The following SEMA5A variants were observed in gnomAD, a reference collection of about 807,000 sequenced individuals.
SEMA5A encodes the protein semaphorin-5A.
A neutral mutation model predicts 135.5 loss-of-function variants in SEMA5A; 55 were observed. The observed-to-expected ratio is 0.41, with a 90% CI of 0.33 to 0.51. The LOEUF is 0.51. Among genes scored for constraint, SEMA5A ranks in the 20% least tolerant of loss-of-function variants. The probability of loss-of-function intolerance (pLI) is 0.37; values close to 1 mark genes in which losing one functional copy is unlikely to be tolerated. For missense variants in SEMA5A, 1,290 were observed against 1,419.9 expected, an observed-to-expected ratio of 0.91 and a Z score of 1.47; for synonymous variants, 580 against 546.5, an observed-to-expected ratio of 1.06 and a Z score of -0.85.
rs1735738876 is a variant in SEMA5A, at chr5:9,037,901, T to C, written c.*4996A>G. The C allele has an allele frequency of 6.6e-6, 1 of 152,230 alleles. No homozygotes were observed. The highest frequency in any genetic ancestry group is 6.5e-5 in the Admixed American group (1 of 15,288). The allele number at this position is 152,230 out of a possible 1,614,324, so 9.4% of individuals were successfully genotyped here. A position where few individuals can be genotyped will look rare whatever the true frequency, so the allele number is the denominator to read the frequency against. ...ATCCCCTGTCCCCAAACATTTTATC[T>C]TACATTGTGCATGGCATTCCCTTTT... On this transcript the variant is annotated 3_prime_UTR_variant, in exon 23 of 23. Transcript: ENST00000382496.
chr5:9,373,183 G>A (rs1755216692), intron 3 of SEMA5A, among the ~76,000 whole-genome samples: 1 of 152,100 alleles, frequency 6.6e-6, no homozygotes, highest in South Asian at 2.1e-4. Context: ...ATTTAACAAA[G>A]CAATGCATGC....
chr5:9,352,694 G>T (rs1754182090), intron 3 of SEMA5A, among the ~76,000 whole-genome samples: 1 of 152,212 alleles, frequency 6.6e-6, no homozygotes, highest in African/African-American at 2.4e-5. Flanking sequence ...TAACATTTAT[G>T]AAATATAAGT....
intron 5 of SEMA5A, among the ~76,000 whole-genome samples, chr5:9,272,835 C>A (rs1322822773): frequency 3.3e-5 from 5 of 152,098 alleles, no homozygotes; most frequent in Non-Finnish European, 5.9e-5. Flanking sequence ...AAAGGATGCC[C>A]ACTCAGAGAC....
At chr5:9,313,237 A>G (rs547342549) in intron 5 of SEMA5A, among the ~76,000 whole-genome samples, 1 of 152,294 alleles carries the variant, frequency 6.6e-6, no homozygotes, top group African/African-American at 2.4e-5. Context: ...ATTGTAAAAC[A>G]GTATTGAGAA....
intron 5 of SEMA5A, among the ~76,000 whole-genome samples, chr5:9,299,135 T>C (rs1751483036): frequency 6.6e-6 from 1 of 152,124 alleles, no homozygotes; most frequent in South Asian, 2.1e-4. Flanking sequence ...GGGGGCATCT[T>C]TACCTAATGT....
chr5:9,493,603 T>C (rs529727455), intron 1 of SEMA5A, among the ~76,000 whole-genome samples: 2 of 152,314 alleles, frequency 1.3e-5, no homozygotes, highest in South Asian at 4.1e-4. Flanking sequence ...CCTGACAGCC[T>C]TTGATAATAG....
intron 21 of SEMA5A, among the ~76,000 whole-genome samples, chr5:9,049,836 A>G (rs531555861): frequency 1.1e-4 from 17 of 152,330 alleles, no homozygotes; most frequent in African/African-American, 4.1e-4. Context: ...CTTGAACCAG[A>G]TAATGTTGTC....
chr5:9,213,937 A>G (rs914145649), intron 8 of SEMA5A, among the ~76,000 whole-genome samples: 1 of 152,156 alleles, frequency 6.6e-6, no homozygotes, highest in Non-Finnish European at 1.5e-5. Context: ...GGCTCTCGTA[A>G]GGTTGGGGCA....
At chr5:9,279,550 G>A (rs998244831) in intron 5 of SEMA5A, among the ~76,000 whole-genome samples, 1 of 152,140 alleles carries the variant, frequency 6.6e-6, no homozygotes, top group Admixed American at 6.5e-5. Flanking sequence ...GGCTGGGGCA[G>A]AATGATATGG....
At chr5:9,315,048 A>G (rs541859587) in intron 5 of SEMA5A, among the ~76,000 whole-genome samples, 1 of 152,154 alleles carries the variant, frequency 6.6e-6, no homozygotes, top group Non-Finnish European at 1.5e-5. Flanking sequence ...AGAAAAGTAC[A>G]ATCAGTTTCC....
intron 11 of SEMA5A, among the ~76,000 whole-genome samples, chr5:9,155,169 C>T (rs1342009542): frequency 6.6e-6 from 1 of 152,126 alleles, no homozygotes; most frequent in Non-Finnish European, 1.5e-5. Context: ...CTCCTTCCTG[C>T]CACGAGAAGT....
intron 5 of SEMA5A, among the ~76,000 whole-genome samples, chr5:9,280,046 G>A (rs1193067983): frequency 1.3e-5 from 2 of 152,152 alleles, no homozygotes; most frequent in East Asian, 1.9e-4. Flanking sequence ...AATGATGAGT[G>A]TCTGAGGGAC....
At chr5:9,523,502 CAATT>C (rs981004775) in intron 1 of SEMA5A, among the ~76,000 whole-genome samples, 4 of 152,132 alleles carry the variant, frequency 2.6e-5, no homozygotes, top group Non-Finnish European at 5.9e-5. Flanking sequence ...AAAAGCCAAA[CAATT>C]AAACATATTC....
At chr5:9,333,478 C>T (rs1423694057) in intron 4 of SEMA5A, among the ~76,000 whole-genome samples, 2 of 152,146 alleles carry the variant, frequency 1.3e-5, no homozygotes, top group Non-Finnish European at 2.9e-5. Flanking sequence ...TTAGAATGAA[C>T]CTGAAACACT....
At chr5:9,254,402 T>G (rs780775246) in intron 5 of SEMA5A, among the ~76,000 whole-genome samples, 35 of 152,134 alleles carry the variant, frequency 2.3e-4, no homozygotes, top group Non-Finnish European at 4.9e-4. Context: ...GAAGGGAAGA[T>G]AGAAGTTCTT....
intron 5 of SEMA5A, among the ~76,000 whole-genome samples, chr5:9,307,876 T>C (rs1436060967): frequency 2.0e-5 from 3 of 151,816 alleles, no homozygotes; most frequent in Non-Finnish European, 4.4e-5. Context: ...CTTCGTTTCA[T>C]GAAACTAAAT....
chr5:9,428,784 C>T (rs1757757036), intron 2 of SEMA5A, among the ~76,000 whole-genome samples: 1 of 152,138 alleles, frequency 6.6e-6, no homozygotes, highest in South Asian at 2.1e-4. Flanking sequence ...CTAAATATAG[C>T]ACAATCAGAA....
At chr5:9,083,504 T>G (rs1166027652) in intron 16 of SEMA5A, among the ~76,000 whole-genome samples, 1 of 152,180 alleles carries the variant, frequency 6.6e-6, no homozygotes, top group Non-Finnish European at 1.5e-5. Context: ...TAAAAGTCAA[T>G]GTAGTGTTGC....
chr5:9,448,621 C>T (rs780250474), intron 1 of SEMA5A, among the ~76,000 whole-genome samples: 1 of 152,234 alleles, frequency 6.6e-6, no homozygotes, highest in Non-Finnish European at 1.5e-5. Context: ...CACCTCTCCT[C>T]GTGGTACCTG....
Sources: gnomAD v4.1 joint callset for allele counts (sites outside exome capture counted in the v4.1 genomes callset) on GRCh38, gnomAD v4.1.1 for gene constraint, MANE v1.5 for transcripts, NCBI Gene and HGNC (gene_info 2026-07-23, HGNC 2026-07-21) for gene names.